SLC35F1: variants seen among roughly 807,000 people sequenced by gnomAD.
The protein encoded by SLC35F1 is chromosome 6 open reading frame 169.
Under a neutral mutation model 48.7 loss-of-function variants are expected in SLC35F1, and 14 were observed. That is an observed-to-expected ratio of 0.29 (90% CI 0.19 to 0.45). The LOEUF (loss-of-function observed/expected upper bound fraction) is 0.45, where lower values mean the gene tolerates loss of function less well. Ranked by LOEUF, SLC35F1 falls within the 20% of genes least tolerant of loss-of-function variation. The pLI, the probability that SLC35F1 is intolerant of heterozygous loss-of-function variation, is 1.00. For synonymous variants in SLC35F1, 190 were observed against 202.2 expected (o/e 0.94, Z 0.51); for missense variants, 404 against 500.0 (o/e 0.81, Z 1.83).
At chr6:118,236,264 G>T (rs1775364230) in intron 3 of SLC35F1, among the ~76,000 whole-genome samples, 1 of 151,808 alleles carries the variant, frequency 6.6e-6, no homozygotes, top group Non-Finnish European at 1.5e-5. Flanking sequence ...ACACACAATT[G>T]CAAGTTTACC....
intron 3 of SLC35F1, among the ~76,000 whole-genome samples, chr6:118,255,450 C>T (rs1188192739): frequency 6.6e-6 from 1 of 152,114 alleles, no homozygotes; most frequent in East Asian, 1.9e-4. Context: ...AGGATCTTGC[C>T]CCCAGGACAG....
intron 3 of SLC35F1, among the ~76,000 whole-genome samples, chr6:118,253,794 T>C (rs981468451): frequency 2.6e-5 from 4 of 151,960 alleles, no homozygotes; most frequent in Non-Finnish European, 4.4e-5. Context: ...TTGGTGATCA[T>C]AGTGAAAGGA....
At chr6:118,300,029 G>C (rs574798577) in intron 7 of SLC35F1, among the ~76,000 whole-genome samples, 36 of 152,244 alleles carry the variant, frequency 2.4e-4, no homozygotes, top group Non-Finnish European at 4.4e-4. Flanking sequence ...AACAAATAAT[G>C]CTGTTATTAA....
intron 1 of SLC35F1, among the ~76,000 whole-genome samples, chr6:118,074,347 T>G (rs1772787932): frequency 6.6e-6 from 1 of 152,178 alleles, no homozygotes; most frequent in Non-Finnish European, 1.5e-5. Context: ...CATGGAATAT[T>G]GACTGAATTC....
intron 1 of SLC35F1, among the ~76,000 whole-genome samples, chr6:118,140,182 C>T (rs1773862772): frequency 6.6e-6 from 1 of 152,152 alleles, no homozygotes; most frequent in African/African-American, 2.4e-5. Context: ...AGTCAAAGAT[C>T]TGAAATTACT....
chr6:118,090,883 G>A (rs530267686), intron 1 of SLC35F1, among the ~76,000 whole-genome samples: 3 of 152,316 alleles, frequency 2.0e-5, no homozygotes, highest in Non-Finnish European at 4.4e-5. Flanking sequence ...TGTTATTGAA[G>A]TTCTCCAGAC....
intron 1 of SLC35F1, among the ~76,000 whole-genome samples, chr6:118,088,413 G>C (rs1038687264): frequency 6.6e-6 from 1 of 152,116 alleles, no homozygotes; most frequent in African/African-American, 2.4e-5. Flanking sequence ...TCTGACCATG[G>C]CCACAAAAGT....
At chr6:118,245,466 C>T (rs1468181742) in intron 3 of SLC35F1, among the ~76,000 whole-genome samples, 1 of 152,146 alleles carries the variant, frequency 6.6e-6, no homozygotes, top group Non-Finnish European at 1.5e-5. Context: ...GTTGGATGTG[C>T]ACCTGCTGTG....
intron 1 of SLC35F1, among the ~76,000 whole-genome samples, chr6:118,082,250 A>G (rs1479640650): frequency 6.6e-6 from 1 of 152,226 alleles, no homozygotes; most frequent in Non-Finnish European, 1.5e-5. Flanking sequence ...TGAAACACTG[A>G]TCTAAATGAT....
intron 1 of SLC35F1, among the ~76,000 whole-genome samples, chr6:117,965,074 G>T (rs1776543719): frequency 6.6e-6 from 1 of 152,160 alleles, no homozygotes; most frequent in South Asian, 2.1e-4. Flanking sequence ...AGTTTCAGTT[G>T]CTTGATAGGA....
intron 5 of SLC35F1, 148 bp from the exon 6 acceptor site, chr6:118,277,346 G>C (rs1026743653): frequency 2.8e-6 from 2 of 707,844 alleles, no homozygotes; most frequent in African/African-American, 3.6e-5. Flanking sequence ...AATTAGACTT[G>C]CTTCTGCATG....
Position 118,186,712 on chromosome 6 carries a change from A to G in SLC35F1, c.349+32092A>G, listed in dbSNP as rs1229197736. 2.0e-5 allele frequency among the ~76,000 whole-genome samples: 3 copies of G among 152,214 alleles called. No individual in the cohort carries two copies. In the East Asian group the frequency reaches 5.8e-4, roughly 29 times the overall value. ...AGATACCAAGCTAGGTGCTAGAGATATAAAAGTGAATAGGACCTGTAGTCC... is the reference window on the plus strand; with the variant it reads ...AGATACCAAGCTAGGTGCTAGAGATGTAAAAGTGAATAGGACCTGTAGTCC... On this transcript the variant is annotated intron_variant, in intron 2 of 7. Transcript: ENST00000360388.
chr6:117,917,767 T>TCTGGGGAGAAGTCAGAGTGTGGAATG (rs1775845112), intron 1 of SLC35F1, among the ~76,000 whole-genome samples: 1 of 151,854 alleles, frequency 6.6e-6, no homozygotes. Context: ...AGTGTGGAAT[T>TCTGGGGAGAAGTCAGAGTGTGGAATG]CTGGGGAGAA....
chr6:118,019,849 T>C (rs1319693015), intron 1 of SLC35F1, among the ~76,000 whole-genome samples: 1 of 152,228 alleles, frequency 6.6e-6, no homozygotes, highest in Non-Finnish European at 1.5e-5. Flanking sequence ...TATACCTTTC[T>C]AGTAGTTCTG....
chr6:118,169,335 C>A (rs563565416), intron 2 of SLC35F1, among the ~76,000 whole-genome samples: 5 of 152,294 alleles, frequency 3.3e-5, no homozygotes, highest in Admixed American at 6.5e-5. Flanking sequence ...TAGAGAAGGT[C>A]TCTACAACCC....
intron 1 of SLC35F1, among the ~76,000 whole-genome samples, chr6:117,976,599 T>C (rs1776708491): frequency 6.6e-6 from 1 of 152,180 alleles, no homozygotes; most frequent in Non-Finnish European, 1.5e-5. Flanking sequence ...TACCAAGGTA[T>C]TTATTTATTG....
intron 3 of SLC35F1, among the ~76,000 whole-genome samples, chr6:118,241,154 G>T (rs1775435254): frequency 6.6e-6 from 1 of 152,160 alleles, no homozygotes; most frequent in Non-Finnish European, 1.5e-5. Context: ...GTAGGTAAAA[G>T]AAAACCTGAA....
At chr6:118,082,714 T>C (rs567987862) in intron 1 of SLC35F1, among the ~76,000 whole-genome samples, 282 of 152,304 alleles carry the variant, frequency 1.9e-3, no homozygotes, top group African/African-American at 6.6e-3. Flanking sequence ...TGTGTTGGCT[T>C]TATTCTCAAG....
At position 118,085,302 on chromosome 6, in the gene SLC35F1, T is replaced by C. The variant is rs563747326; in HGVS notation, c.174-69143T>C. 1.6e-3 allele frequency among the ~76,000 whole-genome samples: 251 copies of C among 152,176 alleles called. 1 individual carries two copies. The highest frequency in any genetic ancestry group is 5.7e-3 in the African/African-American group (235 of 41,532). ...GGGCTAACAGCTGGTTCTGATATAG[T>C]TAGGGCCTGTCAGCTCTAGCTTGGA... On this transcript the variant is annotated intron_variant, in intron 1 of 7. Transcript: ENST00000360388.
Sources: gnomAD v4.1 joint callset for allele counts (sites outside exome capture counted in the v4.1 genomes callset) on GRCh38, gnomAD v4.1.1 for gene constraint, MANE v1.5 for transcripts, NCBI Gene and HGNC (gene_info 2026-07-23, HGNC 2026-07-21) for gene names.